LAD1: variants seen among roughly 807,000 people sequenced by gnomAD.
LAD1 encodes the protein ladinin 1.
Under a neutral mutation model 54.2 loss-of-function variants are expected in LAD1, and 53 were observed. The observed-to-expected ratio is 0.98, with a 90% CI of 0.78 to 1.23. The LOEUF is 1.23. LAD1 is among the 50% of genes most tolerant of loss of function. The probability of loss-of-function intolerance (pLI) is 0.00; values close to 1 mark genes in which losing one functional copy is unlikely to be tolerated. For missense variants in LAD1, 637 were observed against 653.3 expected, an observed-to-expected ratio of 0.98 and a Z score of 0.27; for synonymous variants, 231 against 257.7, an observed-to-expected ratio of 0.90 and a Z score of 0.99.
chr1:201,399,134 C>A lies in LAD1; in HGVS notation c.38+135G>T, dbSNP rs537478036. On this transcript the variant is annotated intron_variant, in intron 1 of 9. Transcript: ENST00000391967. ...CGAGTTTGGCCCCAATCCTGTCTCCCGCGAGTCGCAGCAAGACCAGGATCC... is the reference window on the plus strand; with the variant it reads ...CGAGTTTGGCCCCAATCCTGTCTCCAGCGAGTCGCAGCAAGACCAGGATCC... 7.4e-6 allele frequency: 6 copies of A among 808,588 alleles called. No homozygotes were observed. In the South Asian group the frequency reaches 7.9e-5, roughly 11 times the overall value. The allele number at this position is 808,588 out of a possible 1,614,324, so 50.1% of individuals were successfully genotyped here.
rs78190062 is a variant in LAD1, at chr1:201,386,873, CCCA to C, written c.485_487del (p.Val162del). On this transcript the variant is annotated inframe_deletion, in exon 3 of 10. Transcript: ENST00000391967. ...TTTCTTCCTCTCTTCTGGCTCCCTG[CCCA>C]CCAAGCTCTCCTCCTCCAGGGCCCA... 0.082 allele frequency: 125,335 copies of C among 1,530,768 alleles called. 5,103 individuals carry two copies. Among genetic ancestry groups the C allele is most frequent in the Non-Finnish European group, 0.085 (97,572 of 1,151,304 alleles). 94.8% of individuals were successfully genotyped at this position (1,530,768 alleles called of 1,614,324 possible).
chr1:201,393,873 T>G (rs1662239837), intron 1 of LAD1, among the ~76,000 whole-genome samples: 1 of 127,016 alleles, frequency 7.9e-6, no homozygotes, highest in Non-Finnish European at 1.7e-5. Flanking sequence ...TTTTTTTTGA[T>G]GAGCAAACAA....
intron 1 of LAD1, 60 bp downstream of exon 1, chr1:201,399,209 G>A (rs1166537622): frequency 7.3e-7 from 1 of 1,371,974 alleles, no homozygotes; most frequent in Non-Finnish European, 1.0e-6. Context: ...GCCCCGAGGA[G>A]AGGAGACCCA....
intron 4 of LAD1, 62 bp downstream of exon 4, chr1:201,385,639 G>C: frequency 1.7e-6 from 2 of 1,203,470 alleles, no homozygotes; most frequent in Non-Finnish European, 2.5e-6. Flanking sequence ...TGTTGTAATG[G>C]ATGCGGGCTT....
At chr1:201,396,114 C>G (rs2102361378) in intron 1 of LAD1, among the ~76,000 whole-genome samples, 1 of 152,352 alleles carries the variant, frequency 6.6e-6, no homozygotes, top group African/African-American at 2.4e-5. Context: ...AGCCCCAGAG[C>G]CAGGCCCAGG....
In LAD1 at chr1:201,382,704, C is replaced by A. The variant is rs991391681; in HGVS notation, c.1422G>T (p.Arg474Ser). 8.7e-6 allele frequency: 14 copies of A among 1,607,976 alleles called. No homozygotes were observed. Among genetic ancestry groups the A allele is most frequent in the South Asian group, 1.1e-5 (1 of 89,324 alleles). The change falls in exon 8 of 10, where the codon AGG becomes AGT. Residue 474 changes from arginine to serine, a missense_variant. By Grantham distance (110) the Arg-to-Ser change is moderately radical. Transcript: ENST00000391967. ...GGGTCCTGCTGATCCACAGGTTGAG[C>A]CTTGATGTCACAACCCCTGAGAGCC... is the stretch of plus-strand genomic sequence containing the variant. ...NLRLSGVVTS[R>S]LNLWISRTQE... is the part of the protein sequence containing the mutation.
intron 5 of LAD1, 78 bp downstream of exon 5, chr1:201,384,714 A>G: frequency 7.0e-7 from 1 of 1,438,314 alleles, no homozygotes. Context: ...GCCTGGCACA[A>G]GGAGGGCGGG....
rs770662087 is a variant in LAD1, at chr1:201,383,100, G to A, written c.1360C>T (p.Arg454Ter). 1.7e-5 allele frequency: 27 copies of A among 1,613,680 alleles called. No individual in the cohort carries two copies. The highest frequency in any genetic ancestry group is 1.3e-4 in the East Asian group (6 of 44,872). ...LFEKELAGQS[R>*]AEPASSRKEN... The stretch of plus-strand genomic sequence containing the variant: ...TTCCGGCTGGAGGCTGGTTCTGCTC[G>A]GCTCTGGCCCGCCAGTTCCTTCTCA... Residue 454 changes from arginine to a stop codon, truncating the protein, a stop_gained, in exon 7 of 10, where the codon CGA (arginine) becomes TGA (stop). Coordinates refer to ENST00000391967, the MANE Select transcript of LAD1 (RefSeq NM_005558.4). LOFTEE classifies it high-confidence loss of function.
At chr1:201,399,208 AGAG>A in intron 1 of LAD1, 58 bp downstream of exon 1, 1 of 1,355,646 alleles carries the variant, frequency 7.4e-7, no homozygotes, top group Non-Finnish European at 1.0e-6. Flanking sequence ...TGCCCCGAGG[AGAG>A]GAGACCCAAA....
Position 201,386,552 on chromosome 1 carries a change from T to A in LAD1, c.809A>T (p.Glu270Val). 1 of 1,613,368 alleles carries A rather than the reference T, an allele frequency of 6.2e-7. No individual in the cohort carries two copies. The highest frequency in any genetic ancestry group is 8.5e-7 in the Non-Finnish European group (1 of 1,179,782). ...CTTAGCATCTGCAGTTGGGCTCTTCTCTGAGGCCAGTGCCTTCTCAAAGAT... is the reference window on the plus strand; with the variant it reads ...CTTAGCATCTGCAGTTGGGCTCTTCACTGAGGCCAGTGCCTTCTCAAAGAT... ...ASIFEKALAS[E>V]KSPTADAKPA... is the part of the protein sequence containing the mutation. The change falls in exon 3 of 10, where the codon GAG becomes GTG. Residue 270 changes from glutamate to valine, a missense_variant. By Grantham distance (121) the Glu-to-Val change is moderately radical. Coordinates refer to ENST00000391967, the MANE Select transcript of LAD1 (RefSeq NM_005558.4).
rs532866219 is a variant in LAD1 at position 201,389,146 on chromosome 1, A to G, written c.182+14T>C. 2 of 1,611,830 alleles carry G rather than the reference A, an allele frequency of 1.2e-6. No individual in the cohort carries two copies. Among genetic ancestry groups the G allele is most frequent in the African/African-American group, 2.7e-5 (2 of 75,010 alleles). ...TCCATCCCCATCCATCAGGATAGAA[A>G]CCTGAGCACCTACCTCTCAGAAGCA... On this transcript the variant is annotated intron_variant, in intron 2 of 9. Coordinates refer to ENST00000391967, the MANE Select transcript of LAD1 (RefSeq NM_005558.4).
chr1:201,388,387 C>CAA (rs34554043), intron 2 of LAD1, among the ~76,000 whole-genome samples: 55 of 133,722 alleles, frequency 4.1e-4, no homozygotes, highest in African/African-American at 1.1e-3. Flanking sequence ...GACTCCATCT[C>CAA]AAAAAAAAAA....
At chr1:201,391,142 C>T (rs772953365) in intron 1 of LAD1, 22 of 456,566 alleles carry the variant, frequency 4.8e-5, no homozygotes, top group Non-Finnish European at 9.3e-5. Flanking sequence ...CCTCCCTCAC[C>T]TTTCAGATGG....
intron 1 of LAD1, 152 bp downstream of exon 1, chr1:201,399,117 G>GC: frequency 1.4e-6 from 1 of 730,652 alleles, no homozygotes; most frequent in East Asian, 2.8e-5. Context: ...CCCGAGTTTG[G>GC]CCCCAATCCT....
chr1:201,396,791 G>C (rs747630299), intron 1 of LAD1, among the ~76,000 whole-genome samples: 1 of 152,144 alleles, frequency 6.6e-6, no homozygotes, highest in Non-Finnish European at 1.5e-5. Context: ...GGTCACTGTG[G>C]GGGGTAACTC....
chr1:201,389,450 G>A, intron 1 of LAD1, 147 bp from the exon 2 acceptor site: 1 of 879,754 alleles, frequency 1.1e-6, no homozygotes, highest in Non-Finnish European at 1.7e-6. Context: ...AACGTGGCTG[G>A]TGTGAACCAA....
At chr1:201,394,097 G>A (rs891445358) in intron 1 of LAD1, among the ~76,000 whole-genome samples, 12 of 152,200 alleles carry the variant, frequency 7.9e-5, no homozygotes, top group Admixed American at 7.9e-4. Context: ...AACAACCGCA[G>A]GATAGGGTGT....
rs1661961422 is a variant in LAD1 at position 201,381,647 on chromosome 1, T to A, written c.*241A>T. On this transcript the variant is annotated 3_prime_UTR_variant, in exon 10 of 10. Coordinates refer to ENST00000391967, the MANE Select transcript of LAD1 (RefSeq NM_005558.4). Reference sequence around the variant, plus strand: ...TGCTGTGACCTGGGCAGAGACTGGGTCCCAGCATCTGTTGTGCCTGCCGCA... The same window carrying A: ...TGCTGTGACCTGGGCAGAGACTGGGACCCAGCATCTGTTGTGCCTGCCGCA... 1 of 604,644 alleles carries A rather than the reference T, an allele frequency of 1.7e-6. No homozygotes were observed. Among genetic ancestry groups the A allele is most frequent in the South Asian group, 1.9e-5 (1 of 51,872 alleles). The allele number at this position is 604,644 out of a possible 1,614,324, so 37.5% of individuals were successfully genotyped here.
At chr1:201,389,746 C>G (rs1048665101) in intron 1 of LAD1, among the ~76,000 whole-genome samples, 6 of 151,762 alleles carry the variant, frequency 4.0e-5, no homozygotes, top group African/African-American at 1.5e-4. Flanking sequence ...CACTTGAACC[C>G]AGGAGGCAGA....
Sources: gnomAD v4.1 joint callset for allele counts (sites outside exome capture counted in the v4.1 genomes callset) on GRCh38, gnomAD v4.1.1 for gene constraint, MANE v1.5 for transcripts, NCBI Gene and HGNC (gene_info 2026-07-23, HGNC 2026-07-21) for gene names.